Variants in DPYSL3 observed in about 807,000 individuals in gnomAD.
DPYSL3 encodes dihydropyrimidinase-related protein 3.
In DPYSL3, 16 loss-of-function variants were observed where a neutral mutation model predicts 66.1. The observed-to-expected ratio is 0.24, with a 90% CI of 0.16 to 0.37. DPYSL3 has a LOEUF of 0.37. Among genes scored for constraint, DPYSL3 ranks in the 10% least tolerant of loss-of-function variants. The probability of loss-of-function intolerance (pLI) is 1.00; values close to 1 mark genes in which losing one functional copy is unlikely to be tolerated. For missense variants in DPYSL3, 738 were observed against 916.2 expected (o/e 0.81, Z 2.51); for synonymous variants, 338 against 345.1 (o/e 0.98, Z 0.23).
At chr5:147,485,608 A>G (rs1190807082) in intron 1 of DPYSL3, among the ~76,000 whole-genome samples, 3 of 152,212 alleles carry the variant, frequency 2.0e-5, no homozygotes, top group Non-Finnish European at 4.4e-5. Flanking sequence ...TATGCAGCAG[A>G]GAAATTTAAT....
At chr5:147,453,884 A>G (rs1408866513) in intron 1 of DPYSL3, 1 of 538,660 alleles carries the variant, frequency 1.9e-6, no homozygotes, top group Non-Finnish European at 2.8e-6. Flanking sequence ...CTGGGACCCC[A>G]TAAGACAAGA....
intron 1 of DPYSL3, among the ~76,000 whole-genome samples, chr5:147,461,088 C>G (rs1581206307): frequency 6.6e-6 from 1 of 152,156 alleles, no homozygotes; most frequent in Non-Finnish European, 1.5e-5. Flanking sequence ...AGCCTGGAAG[C>G]TTGCACGGGT....
chr5:147,415,751 C>T lies in DPYSL3; in HGVS notation c.778G>A (p.Asp260Asn), dbSNP rs764498265. Residue 260 changes from aspartate (D) to asparagine (N), a missense_variant, in exon 4 of 14, where the codon GAC (aspartate) becomes AAC (asparagine). Transcript: ENST00000343218. Reference protein sequence around the residue: ...ALHVDITHWNDSVKQEVQNLI... With the variant: ...ALHVDITHWNNSVKQEVQNLI... ...TTCTGCACTTCCTGCTTGACGCTGT[C>T]ATTCCAGTGGGTGATGTCCACATGC... The T allele has an allele frequency of 3.7e-6, 6 of 1,614,108 alleles. No individual in the cohort carries two copies. The highest frequency in any genetic ancestry group is 2.2e-5 in the East Asian group (1 of 44,858).
chr5:147,508,060 A>G (rs1753706252), intron 1 of DPYSL3, among the ~76,000 whole-genome samples: 1 of 152,242 alleles, frequency 6.6e-6, no homozygotes, highest in African/African-American at 2.4e-5. Context: ...TATCAACCAA[A>G]ACATTTGCAA....
In DPYSL3 at chr5:147,509,103, G is replaced by A. The variant is rs72833367; in HGVS notation, c.381+375C>T. On this transcript the variant is annotated intron_variant, in intron 1 of 13. Coordinates refer to ENST00000343218, the MANE Select transcript of DPYSL3 (RefSeq NM_001197294.2). This position sits in a 1 kb window ranked among gnomAD's most constrained non-coding sequence, Gnocchi z 5.3. Reference sequence around the variant, plus strand: ...GTTGAGATTTAATCTAGGGCCAGAGGGGGGCAAGACAATTGTGCTGTTGGC... The same window carrying A: ...GTTGAGATTTAATCTAGGGCCAGAGAGGGGCAAGACAATTGTGCTGTTGGC... 0.12 allele frequency among the ~76,000 whole-genome samples: 18,053 copies of A among 152,146 alleles called. 1,160 individuals carry two copies. Among genetic ancestry groups the A allele is most frequent in the Middle Eastern group, 0.21 (63 of 294 alleles).
chr5:147,452,678 C>T (rs1014019563), intron 1 of DPYSL3, among the ~76,000 whole-genome samples: 4 of 152,030 alleles, frequency 2.6e-5, no homozygotes, highest in African/African-American at 7.2e-5. Context: ...GATAATGGCA[C>T]GTCCCCTCTC....
At chr5:147,421,390 C>T (rs541135414) in intron 2 of DPYSL3, among the ~76,000 whole-genome samples, 1 of 152,278 alleles carries the variant, frequency 6.6e-6, no homozygotes, top group East Asian at 1.9e-4. Context: ...AAAATCCATG[C>T]TCACAGATAG....
intron 1 of DPYSL3, among the ~76,000 whole-genome samples, chr5:147,508,539 T>C (rs1753713922): frequency 6.6e-6 from 1 of 152,122 alleles, no homozygotes; most frequent in Non-Finnish European, 1.5e-5. Flanking sequence ...AACTCTGAAG[T>C]CTCCAGCCCT....
chr5:147,473,635 C>T (rs1433371398), intron 1 of DPYSL3, among the ~76,000 whole-genome samples: 2 of 152,076 alleles, frequency 1.3e-5, no homozygotes, highest in East Asian at 3.8e-4. Context: ...TCTGATTGAG[C>T]TCAGCACAGG....
intron 1 of DPYSL3, among the ~76,000 whole-genome samples, chr5:147,442,537 T>C (rs1752553201): frequency 6.6e-6 from 1 of 152,176 alleles, no homozygotes; most frequent in African/African-American, 2.4e-5. Flanking sequence ...TCGGGAAGAT[T>C]ACTCAACCTC....
chr5:147,508,679 A>G (rs951023575), intron 1 of DPYSL3, among the ~76,000 whole-genome samples: 1 of 152,210 alleles, frequency 6.6e-6, no homozygotes, highest in African/African-American at 2.4e-5. Flanking sequence ...AAAAATACAC[A>G]TACAGAAGAA....
In DPYSL3 at chr5:147,451,894, C is replaced by G. The variant is rs566106008; in HGVS notation, c.382-26931G>C. 3.9e-5 allele frequency among the ~76,000 whole-genome samples: 6 copies of G among 152,120 alleles called. No individual in the cohort carries two copies. The South Asian group carries it at 1.2e-3, about 32-fold the overall frequency. On this transcript the variant is annotated intron_variant, in intron 1 of 13. Transcript: ENST00000343218. ...TCCACAGCTCTTTGGAAAGACAAGA[C>G]AGTCAGCACTAGACAATACTGTGCA...
chr5:147,399,144 T>A lies in DPYSL3; in HGVS notation c.1561A>T (p.Ser521Cys). Reference protein sequence around the residue: ...RKGRISVGSDSDLVIWDPDAV... With the variant: ...RKGRISVGSDCDLVIWDPDAV... Reference sequence around the variant, plus strand: ...TCTGGATCCCAGATGACGAGGTCGCTGTCAGAACCCACAGATATTCTTCCC... The same window carrying A: ...TCTGGATCCCAGATGACGAGGTCGCAGTCAGAACCCACAGATATTCTTCCC... Residue 521 changes from serine (S) to cysteine (C), a missense_variant, in exon 11 of 14, where the codon AGC becomes TGC. By Grantham distance (112) the Ser-to-Cys change is moderately radical (BLOSUM62 -1). Coordinates refer to ENST00000343218, the MANE Select transcript of DPYSL3 (RefSeq NM_001197294.2). 6.2e-7 allele frequency: 1 copy of A among 1,614,230 alleles called. No individual in the cohort carries two copies. The highest frequency in any genetic ancestry group is 8.5e-7 in the Non-Finnish European group (1 of 1,180,050).
In DPYSL3 at chr5:147,509,274, C is replaced by A. The variant is rs997834091; in HGVS notation, c.381+204G>T. Among the ~76,000 whole-genome samples, 1 of 152,212 alleles carries A rather than the reference C, an allele frequency of 6.6e-6. No homozygotes were observed. The highest frequency in any genetic ancestry group is 1.5e-5 in the Non-Finnish European group (1 of 68,034). On this transcript the variant is annotated intron_variant, in intron 1 of 13. Coordinates refer to ENST00000343218, the MANE Select transcript of DPYSL3 (RefSeq NM_001197294.2). This position sits in a 1 kb window ranked among gnomAD's most constrained non-coding sequence, Gnocchi z 5.3. ...CCCGGGCATCCCTTCCGCGCTTGCA[C>A]GAAGATGCTGCAAGTGGCGACACGC...
intron 1 of DPYSL3, among the ~76,000 whole-genome samples, chr5:147,493,161 G>C (rs1418629876): frequency 6.6e-6 from 1 of 152,186 alleles, no homozygotes; most frequent in Non-Finnish European, 1.5e-5. Flanking sequence ...CCCTCAATGT[G>C]TATGTGTCAA....
chr5:147,449,708 C>A (rs1165411898), intron 1 of DPYSL3, among the ~76,000 whole-genome samples: 1 of 152,170 alleles, frequency 6.6e-6, no homozygotes, highest in Non-Finnish European at 1.5e-5. Flanking sequence ...CCTTCCTTAA[C>A]TGGGAAATGA....
At chr5:147,463,270 G>A (rs571343048) in intron 1 of DPYSL3, among the ~76,000 whole-genome samples, 1 of 152,224 alleles carries the variant, frequency 6.6e-6, no homozygotes, top group Admixed American at 6.5e-5. Context: ...AATAGACCAT[G>A]GCCACATGAC....
chr5:147,409,987 T>C (rs1323396698), intron 6 of DPYSL3, among the ~76,000 whole-genome samples: 1 of 152,218 alleles, frequency 6.6e-6, no homozygotes, highest in Non-Finnish European at 1.5e-5. Flanking sequence ...AAATGGTCAC[T>C]ATCTCCAGCT....
At chr5:147,413,497 A>G (rs1234102317) in intron 5 of DPYSL3, 99 bp downstream of exon 5, 1 of 926,256 alleles carries the variant, frequency 1.1e-6, no homozygotes, top group African/African-American at 1.6e-5. Flanking sequence ...GTGGTCTCCC[A>G]CAGTGACCAC....
Sources: gnomAD v4.1 joint callset for allele counts (sites outside exome capture counted in the v4.1 genomes callset) on GRCh38, gnomAD v4.1.1 for gene constraint, Gnocchi (gnomAD v3.1) non-coding constraint, MANE v1.5 for transcripts, NCBI Gene and HGNC (gene_info 2026-07-23, HGNC 2026-07-21) for gene names.